STK39: variants seen among roughly 807,000 people sequenced by gnomAD.
STK39 encodes the protein STE20/SPS1-related proline-alanine-rich protein kinase.
A neutral mutation model predicts 77.8 loss-of-function variants in STK39; 20 were observed. That is an observed-to-expected ratio of 0.26 (90% CI 0.18 to 0.37). The LOEUF is 0.37. Among genes scored for constraint, STK39 ranks in the 10% least tolerant of loss-of-function variants. The pLI is 1.00. For missense variants in STK39, 479 were observed against 656.5 expected, an observed-to-expected ratio of 0.73 and a Z score of 2.95; for synonymous variants, 246 against 234.1, an observed-to-expected ratio of 1.05 and a Z score of -0.47.
intron 1 of STK39, among the ~76,000 whole-genome samples, chr2:168,237,949 A>T (rs1558890891): frequency 6.6e-6 from 1 of 152,154 alleles, no homozygotes; most frequent in Non-Finnish European, 1.5e-5. Flanking sequence ...AGAGATAGTG[A>T]CATTGCCTGA....
At position 168,063,544 on chromosome 2, in the gene STK39, G is replaced by A. The variant is rs889866414; in HGVS notation, c.1332C>T (p.Tyr444=). The A allele has an allele frequency of 1.2e-6, 2 of 1,613,154 alleles. No individual in the cohort carries two copies. Among genetic ancestry groups the A allele is most frequent in the African/African-American group, 1.3e-5 (1 of 74,984 alleles). Residue 444 remains tyrosine (Y), a synonymous_variant, in exon 14 of 18, where the codon TAC becomes TAT. Coordinates refer to ENST00000355999, the MANE Select transcript of STK39 (RefSeq NM_013233.3). ...SQGPPNANED[Y]REASSCAVNL... Reference sequence around the variant, plus strand: ...TCACGGCACAAGAAGAAGCTTCTCTGTAGTCTTCATTAGCATTGGGTGGGC... The same window carrying A: ...TCACGGCACAAGAAGAAGCTTCTCTATAGTCTTCATTAGCATTGGGTGGGC...
chr2:168,190,974 A>G (rs1689325498), intron 1 of STK39, among the ~76,000 whole-genome samples: 2 of 152,194 alleles, frequency 1.3e-5, no homozygotes, highest in Admixed American at 6.5e-5. Flanking sequence ...AAACGGATAC[A>G]CCCACTGGCA....
intron 1 of STK39, among the ~76,000 whole-genome samples, chr2:168,199,531 C>CT (rs368936391): frequency 0.16 from 23,476 of 144,416 alleles, 2,176 homozygotes; most frequent in African/African-American, 0.26. Context: ...TGCATTTTAA[C>CT]TTTTTTTTTT....
intron 5 of STK39, among the ~76,000 whole-genome samples, chr2:168,152,859 T>G (rs538227987): frequency 2.0e-5 from 3 of 152,312 alleles, no homozygotes; most frequent in Non-Finnish European, 2.9e-5. Context: ...AAATTTCCAA[T>G]GCAATATTCA....
At position 168,016,804 on chromosome 2, in the gene STK39, T is replaced by C. The variant is rs116036969; in HGVS notation, c.1429+239A>G. ...ACTTATTTTCATGGTTGAGCTAATA[T>C]ATCTAACTTATATTGGTATGTATAC... On this transcript the variant is annotated intron_variant, in intron 15 of 17. Coordinates refer to ENST00000355999, the MANE Select transcript of STK39 (RefSeq NM_013233.3). Among the ~76,000 whole-genome samples, 846 of 152,342 alleles carry C rather than the reference T, an allele frequency of 5.6e-3. 8 individuals carry two copies. The highest frequency in any genetic ancestry group is 0.019 in the African/African-American group (796 of 41,582).
At chr2:168,060,138 C>T (rs1195709232) in intron 14 of STK39, among the ~76,000 whole-genome samples, 8 of 152,006 alleles carry the variant, frequency 5.3e-5, no homozygotes, top group African/African-American at 1.7e-4. Flanking sequence ...CCCCCCTTTC[C>T]ACCCCACTCC....
chr2:168,032,364 A>C (rs1684850314), intron 14 of STK39, among the ~76,000 whole-genome samples: 1 of 152,228 alleles, frequency 6.6e-6, no homozygotes, highest in South Asian at 2.1e-4. Context: ...AGAATGTTGA[A>C]TAAGCAACAC....
intron 16 of STK39, among the ~76,000 whole-genome samples, chr2:168,007,556 T>G (rs1289449046): frequency 6.6e-6 from 1 of 151,752 alleles, no homozygotes; most frequent in Non-Finnish European, 1.5e-5. Flanking sequence ...TGGGGAGAGA[T>G]TAGGTAGAAT....
At position 168,149,851 on chromosome 2, in the gene STK39, C is replaced by A. The variant is rs117963358; in HGVS notation, c.629-9093G>T. 2.6e-5 allele frequency among the ~76,000 whole-genome samples: 4 copies of A among 152,306 alleles called. No individual in the cohort carries two copies. In the South Asian group the frequency reaches 8.3e-4, roughly 32 times the overall value. ...CATACTGCAAGAAGAATCTAATTCG[C>A]TTTTTTGCCAGTAGTTGCTGCTGGG... On this transcript the variant is annotated intron_variant, in intron 5 of 17. Coordinates refer to ENST00000355999, the MANE Select transcript of STK39 (RefSeq NM_013233.3).
chr2:168,007,513 A>T (rs769644873), intron 16 of STK39, among the ~76,000 whole-genome samples: 1 of 152,206 alleles, frequency 6.6e-6, no homozygotes, highest in Non-Finnish European at 1.5e-5. Context: ...TATAGCTGAC[A>T]AAATAAATAA....
At chr2:168,088,949 C>T (rs1255111473) in intron 10 of STK39, among the ~76,000 whole-genome samples, 1 of 152,198 alleles carries the variant, frequency 6.6e-6, no homozygotes, top group Non-Finnish European at 1.5e-5. Context: ...GAGATTGTGG[C>T]TTAAACACTG....
At chr2:168,080,394 C>T (rs2105414004) in intron 10 of STK39, among the ~76,000 whole-genome samples, 1 of 152,234 alleles carries the variant, frequency 6.6e-6, no homozygotes, top group Non-Finnish European at 1.5e-5. Flanking sequence ...CTTTGGGAGG[C>T]CGAGGTGGGC....
intron 8 of STK39, among the ~76,000 whole-genome samples, chr2:168,132,620 C>A (rs575315921): frequency 1.1e-4 from 17 of 152,314 alleles, no homozygotes; most frequent in Middle Eastern, 3.4e-3. Context: ...AACTGGCACA[C>A]CCTCGCTCAT....
At chr2:168,241,898 T>A (rs2105281052) in intron 1 of STK39, among the ~76,000 whole-genome samples, 1 of 152,320 alleles carries the variant, frequency 6.6e-6, no homozygotes, top group Non-Finnish European at 1.5e-5. Context: ...CACATCTAAG[T>A]CATTTGCTCA....
intron 14 of STK39, among the ~76,000 whole-genome samples, chr2:168,021,465 T>A (rs1684570530): frequency 6.6e-6 from 1 of 152,188 alleles, no homozygotes; most frequent in Non-Finnish European, 1.5e-5. Context: ...CATCTTTTTA[T>A]AAAGAATTAA....
chr2:168,056,118 G>A (rs1240935487), intron 14 of STK39, among the ~76,000 whole-genome samples: 1 of 151,982 alleles, frequency 6.6e-6, no homozygotes, highest in Non-Finnish European at 1.5e-5. Flanking sequence ...CTCTGATATT[G>A]CATATAACAG....
At chr2:168,180,758 C>T (rs1015669481) in intron 2 of STK39, among the ~76,000 whole-genome samples, 2 of 152,156 alleles carry the variant, frequency 1.3e-5, no homozygotes, top group Admixed American at 1.3e-4. Context: ...CAAAGCACAG[C>T]TGAAATTTCA....
At position 168,013,832 on chromosome 2, in the gene STK39, GTGTA is replaced by G. The variant is rs1221943248; in HGVS notation, c.1430-1134_1430-1131del. 3.7e-4 allele frequency among the ~76,000 whole-genome samples: 32 copies of G among 87,430 alleles called. 2 individuals are homozygous for G. Among genetic ancestry groups the G allele is most frequent in the African/African-American group, 9.9e-4 (24 of 24,266 alleles). 57.4% of individuals were successfully genotyped at this position (87,430 alleles called of 152,430 possible). Reference sequence around the variant, plus strand: ...TGTGTGTGTGTGTGTGTGTGTGTGTGTGTATGTGTTTGCATATGTGCATATACAT... The same window carrying G: ...TGTGTGTGTGTGTGTGTGTGTGTGTGTGTGTTTGCATATGTGCATATACAT... On this transcript the variant is annotated intron_variant, in intron 15 of 17. Transcript: ENST00000355999.
At chr2:168,167,440 T>C (rs199510048) in intron 2 of STK39, 33 bp from the exon 3 acceptor site, 14 of 1,594,810 alleles carry the variant, frequency 8.8e-6, no homozygotes, top group African/African-American at 2.7e-5. Context: ...CATAGTACCA[T>C]GGGGTGAAAA....
Sources: gnomAD v4.1 joint callset for allele counts (sites outside exome capture counted in the v4.1 genomes callset) on GRCh38, gnomAD v4.1.1 for gene constraint, MANE v1.5 for transcripts, NCBI Gene and HGNC (gene_info 2026-07-23, HGNC 2026-07-21) for gene names.